Variants in AK6 observed in about 807,000 individuals in gnomAD.
The protein encoded by AK6 is adenylate kinase isoenzyme 6.
AK6 carries 24 observed loss-of-function variants against 23.7 expected under a neutral mutation model. The observed-to-expected ratio is 1.01, with a 90% CI of 0.73 to 1.43. AK6 has a LOEUF of 1.43. Among genes scored for constraint, AK6 ranks in the 40% most tolerant of loss-of-function variants. The pLI is 0.00. For missense variants in AK6, 191 were observed against 199.1 expected (o/e 0.96, Z 0.24); for synonymous variants, 73 against 69.8 (o/e 1.05, Z -0.23).
intron 4 of AK6, among the ~76,000 whole-genome samples, chr5:69,353,669 GAT>G (rs1561212535): frequency 6.6e-6 from 1 of 152,170 alleles, no homozygotes; most frequent in African/African-American, 2.4e-5. Flanking sequence ...ATGAGCAACT[GAT>G]ATATACACCT....
intron 2 of AK6, among the ~76,000 whole-genome samples, chr5:69,358,345 A>AC (rs1415030510): frequency 3.3e-5 from 5 of 151,902 alleles, no homozygotes; most frequent in African/African-American, 9.7e-5. Flanking sequence ...ACATGGTGAA[A>AC]CCCCATCTCT....
intron 2 of AK6, among the ~76,000 whole-genome samples, chr5:69,358,876 A>G (rs1322873864): frequency 2.0e-5 from 3 of 152,160 alleles, no homozygotes; most frequent in African/African-American, 7.2e-5. Context: ...TTCTAAACAA[A>G]GTTTTGCAGT....
At chr5:69,362,698 A>C (rs1313588091) in intron 2 of AK6, among the ~76,000 whole-genome samples, 1 of 151,754 alleles carries the variant, frequency 6.6e-6, no homozygotes, top group African/African-American at 2.4e-5. Context: ...AGTGAGGGGA[A>C]ACTGTGCCAC....
At position 69,359,474 on chromosome 5, in the gene AK6, A is replaced by T. The variant is rs545723644; in HGVS notation, c.122-3521T>A. Among the ~76,000 whole-genome samples, 9 of 152,050 alleles carry T rather than the reference A, an allele frequency of 5.9e-5. No individual in the cohort carries two copies. In the East Asian group the frequency reaches 1.4e-3, roughly 23 times the overall value. On this transcript the variant is annotated intron_variant, in intron 2 of 4. Coordinates refer to ENST00000380822, the MANE Select transcript of AK6 (RefSeq NM_016283.5). ...TGGCCAGGCTGGTCTTGAACTTTTG[A>T]CCTCAGGTGATCCACCCGCCCTGGC...
Position 69,352,232 on chromosome 5 carries a change from T to A in AK6, c.348A>T (p.Leu116=). The change falls in exon 5 of 5, where the codon CTA becomes CTT. Residue 116 remains leucine, a synonymous_variant. Transcript: ENST00000380822. ...AAATCTCACACTGAATATTGTCTGT[T>A]AGTTTCTTCTCATTATAACCCCTAG... ...LETRGYNEKK[L]TDNIQCEIFQ... The A allele has an allele frequency of 6.2e-7, 1 of 1,613,332 alleles. No homozygotes were observed. Among genetic ancestry groups the A allele is most frequent in the Non-Finnish European group, 8.5e-7 (1 of 1,179,624 alleles).
intron 4 of AK6, 84 bp downstream of exon 4, chr5:69,355,565 A>G (rs1190414020): frequency 4.3e-6 from 6 of 1,384,540 alleles, no homozygotes; most frequent in Non-Finnish European, 9.7e-7. Context: ...ACAAACAACA[A>G]CAATCTTTTA....
chr5:69,360,384 T>C (rs1173281464), intron 2 of AK6, among the ~76,000 whole-genome samples: 1 of 152,018 alleles, frequency 6.6e-6, no homozygotes, highest in Non-Finnish European at 1.5e-5. Context: ...GCTTGGGAGG[T>C]AGAAATCAGA....
intron 2 of AK6, among the ~76,000 whole-genome samples, chr5:69,357,665 C>T (rs1379375918): frequency 6.6e-6 from 1 of 151,998 alleles, no homozygotes; most frequent in African/African-American, 2.4e-5. Flanking sequence ...AGTAAACACA[C>T]ATGAAAAAAT....
chr5:69,361,239 T>A (rs767616372), intron 2 of AK6, among the ~76,000 whole-genome samples: 1 of 151,816 alleles, frequency 6.6e-6, no homozygotes, highest in Non-Finnish European at 1.5e-5. Flanking sequence ...CTGCAAGCTC[T>A]GCCTCCCAAG....
Position 69,351,625 on chromosome 5 carries a change from A to G in AK6, c.*436T>C, listed in dbSNP as rs567536117. The G allele has an allele frequency of 9.3e-4, 143 of 152,988 alleles. No homozygotes were observed. Among genetic ancestry groups the G allele is most frequent in the Non-Finnish European group, 1.2e-3 (85 of 68,604 alleles). The allele number at this position is 152,988 out of a possible 1,614,324, so 9.5% of individuals were successfully genotyped here. On this transcript the variant is annotated 3_prime_UTR_variant, in exon 5 of 5. Transcript: ENST00000380822. The stretch of plus-strand genomic sequence containing the variant: ...GGGGATAGGGTGGTCTGGAAGGGAG[A>G]CCTAACTTTTCAACATGCTCTTTTG...
intron 2 of AK6, among the ~76,000 whole-genome samples, chr5:69,361,162 CTT>C (rs900687180): frequency 6.6e-6 from 1 of 151,374 alleles, no homozygotes; most frequent in South Asian, 2.1e-4. Flanking sequence ...CAGTAAGACT[CTT>C]TTTTTTTGAG....
intron 1 of AK6, chr5:69,368,683 C>T (rs549299321): frequency 6.6e-6 from 1 of 152,136 alleles, no homozygotes; most frequent in Non-Finnish European, 1.5e-5. Flanking sequence ...TTTTTCTGTA[C>T]CTTGCAATAA....
At chr5:69,369,239 C>CCCCCCCCCCG in intron 1 of AK6, 1 of 212,970 alleles carries the variant, frequency 4.7e-6, no homozygotes, top group South Asian at 1.4e-4. Flanking sequence ...CCCCCCCGCC[C>CCCCCCCCCCG]CCCCCCGGAG....
At chr5:69,364,920 A>C (rs935419705) in intron 2 of AK6, 2 of 1,585,936 alleles carry the variant, frequency 1.3e-6, no homozygotes, top group Non-Finnish European at 8.6e-7. Context: ...CCAAGTATAC[A>C]TGTTACATTC....
rs987160123 is a variant in AK6, at chr5:69,366,367, G to A, written c.121+136C>T. 2.8e-5 allele frequency: 18 copies of A among 652,112 alleles called. No individual in the cohort carries two copies. The African/African-American group carries it at 3.3e-4, about 12-fold the overall frequency. 40.4% of individuals were successfully genotyped at this position (652,112 alleles called of 1,614,324 possible). ...GCATTAGACACTTAATATTTCTGTG[G>A]ATTCCCTAACAGAGTATATATTCTT... On this transcript the variant is annotated intron_variant, in intron 2 of 4. Transcript: ENST00000380822.
chr5:69,369,241 C>A (rs934854211), intron 1 of AK6: 31 of 240,078 alleles, frequency 1.3e-4, no homozygotes, highest in East Asian at 7.9e-5. Flanking sequence ...CCCCCGCCCC[C>A]CCCCGGAGCC....
chr5:69,364,958 G>GTCA (rs138635374), intron 2 of AK6: 19 of 1,610,790 alleles, frequency 1.2e-5, no homozygotes, highest in South Asian at 7.7e-5. Context: ...GATTATCATA[G>GTCA]TCATCATCAT....
In AK6 at chr5:69,351,201, G is replaced by GTTTA. The variant is rs1761943494; in HGVS notation, c.*856_*859dup. Reference sequence around the variant, plus strand: ...CCAACGGATTATAAATTTTATTTATGTTTATTTTTAGAGTCTAAGGTCTCA... The same window carrying GTTTA: ...CCAACGGATTATAAATTTTATTTATGTTTATTTATTTTTAGAGTCTAAGGTCTCA... On this transcript the variant is annotated 3_prime_UTR_variant, in exon 5 of 5. Coordinates refer to ENST00000380822, the MANE Select transcript of AK6 (RefSeq NM_016283.5). The GTTTA allele has an allele frequency of 6.6e-6, 1 of 152,126 alleles. No homozygotes were observed. The highest frequency in any genetic ancestry group is 1.5e-5 in the Non-Finnish European group (1 of 68,012). The allele number at this position is 152,126 out of a possible 1,614,324, so 9.4% of individuals were successfully genotyped here. A position where few individuals can be genotyped will look rare whatever the true frequency, so the allele number is the denominator to read the frequency against.
intron 2 of AK6, among the ~76,000 whole-genome samples, chr5:69,357,701 G>A (rs939296089): frequency 3.3e-5 from 5 of 152,078 alleles, no homozygotes; most frequent in African/African-American, 1.2e-4. Context: ...CTATTAAAGA[G>A]ATGCAAATTA....
Sources: gnomAD v4.1 joint callset for allele counts (sites outside exome capture counted in the v4.1 genomes callset) on GRCh38, gnomAD v4.1.1 for gene constraint, MANE v1.5 for transcripts, NCBI Gene and HGNC (gene_info 2026-07-23, HGNC 2026-07-21) for gene names.